PGM5: variants seen among roughly 807,000 people sequenced by gnomAD.
The protein encoded by PGM5 is phosphoglucomutase 5.
A neutral mutation model predicts 59.2 loss-of-function variants in PGM5; 23 were observed. The observed-to-expected ratio is 0.39, with a 90% CI of 0.28 to 0.55. The LOEUF (loss-of-function observed/expected upper bound fraction) is 0.55, where lower values mean the gene tolerates loss of function less well. Among genes scored for constraint, PGM5 ranks in the 20% least tolerant of loss-of-function variants. The pLI is 0.66. For synonymous variants in PGM5, 214 were observed against 286.0 expected, an observed-to-expected ratio of 0.75 and a Z score of 2.54; for missense variants, 574 against 748.3, an observed-to-expected ratio of 0.77 and a Z score of 2.72.
At chr9:68,400,629 A>C (rs1377891528) in intron 6 of PGM5, 1 of 152,654 alleles carries the variant, frequency 6.6e-6, no homozygotes, top group African/African-American at 2.4e-5. Context: ...GATTGCAAAG[A>C]AAAATATACC....
At chr9:68,362,572 G>T (rs2810281) in intron 1 of PGM5, among the ~76,000 whole-genome samples, 4 of 152,076 alleles carry the variant, frequency 2.6e-5, no homozygotes, top group Non-Finnish European at 5.9e-5. Context: ...GTTAAGCTTA[G>T]TTTGTAACTA....
At chr9:68,395,092 T>G (rs1357286072) in intron 6 of PGM5, among the ~76,000 whole-genome samples, 2 of 152,200 alleles carry the variant, frequency 1.3e-5, no homozygotes, top group African/African-American at 2.4e-5. Flanking sequence ...CTCCATATTT[T>G]CTTCTAGAGT....
intron 6 of PGM5, among the ~76,000 whole-genome samples, chr9:68,458,192 A>G (rs1461845774): frequency 2.0e-5 from 3 of 151,668 alleles, no homozygotes; most frequent in African/African-American, 7.3e-5. Flanking sequence ...TTTTTCTTGG[A>G]TCTTTGGTCA....
intron 6 of PGM5, among the ~76,000 whole-genome samples, chr9:68,444,782 G>T (rs1823584760): frequency 6.6e-6 from 1 of 152,172 alleles, no homozygotes; most frequent in Non-Finnish European, 1.5e-5. Context: ...CACCATGGTG[G>T]GTTATTCTAC....
At chr9:68,470,740 C>T (rs908862193) in intron 7 of PGM5, among the ~76,000 whole-genome samples, 69 of 151,964 alleles carry the variant, frequency 4.5e-4, no homozygotes, top group Middle Eastern at 3.2e-3. Flanking sequence ...TATTTGTGGC[C>T]AGTGTGTATA....
At chr9:68,469,359 T>TA (rs1554686085) in intron 7 of PGM5, among the ~76,000 whole-genome samples, 29 of 149,220 alleles carry the variant, frequency 1.9e-4, no homozygotes, top group African/African-American at 7.1e-4. Flanking sequence ...ATAGTGTTTT[T>TA]TAAAAAAAAA....
intron 6 of PGM5, among the ~76,000 whole-genome samples, chr9:68,440,427 G>A (rs937575164): frequency 3.3e-5 from 5 of 152,234 alleles, no homozygotes; most frequent in African/African-American, 1.2e-4. Flanking sequence ...TAATAACAGA[G>A]AGATAGCAAG....
intron 10 of PGM5, among the ~76,000 whole-genome samples, chr9:68,525,701 G>A (rs188272540): frequency 7.9e-4 from 121 of 152,310 alleles, no homozygotes; most frequent in African/African-American, 2.6e-3. Context: ...ATCATTAAGT[G>A]ATACATGACT....
At chr9:68,376,841 T>TTC (rs1554677791) in intron 1 of PGM5, among the ~76,000 whole-genome samples, 4 of 146,374 alleles carry the variant, frequency 2.7e-5, no homozygotes, top group African/African-American at 7.6e-5. Flanking sequence ...TTCTCTTTCT[T>TTC]TCTTTCTTTC....
chr9:68,465,360 T>C (rs926297928), intron 7 of PGM5, 152 bp downstream of exon 7: 21 of 531,894 alleles, frequency 3.9e-5, no homozygotes, highest in Non-Finnish European at 4.1e-5. Flanking sequence ...TGCTGTGATA[T>C]GCTTACCTCT....
intron 6 of PGM5, among the ~76,000 whole-genome samples, chr9:68,422,003 T>G (rs1162582636): frequency 6.6e-6 from 1 of 151,920 alleles, no homozygotes; most frequent in African/African-American, 2.4e-5. Context: ...GTTAAAGCAA[T>G]GAAGATCACT....
At chr9:68,417,422 C>CA (rs1563999977) in intron 6 of PGM5, among the ~76,000 whole-genome samples, 2 of 151,868 alleles carry the variant, frequency 1.3e-5, no homozygotes, top group African/African-American at 4.8e-5. Context: ...CCCCTGGGCC[C>CA]GGGGGACGTG....
intron 7 of PGM5, among the ~76,000 whole-genome samples, chr9:68,467,832 GC>G (rs1823957808): frequency 6.7e-6 from 1 of 150,004 alleles, no homozygotes; most frequent in Admixed American, 6.6e-5. Context: ...TGATTAATAT[GC>G]TTTTTCTCTG....
chr9:68,393,896 G>T lies in PGM5; in HGVS notation c.1043+1423G>T, dbSNP rs543627487. On this transcript the variant is annotated intron_variant, in intron 6 of 10. Transcript: ENST00000396396. ...CAACAGGAGATTGCAAAAATAAATT[G>T]TGATATATTTATATATTTGTATACT... is the stretch of plus-strand genomic sequence containing the variant. The T allele has an allele frequency of 1.5e-4, 23 of 152,138 alleles. No homozygotes were observed. The South Asian group carries it at 4.1e-3, about 27-fold the overall frequency. The allele number at this position is 152,138 out of a possible 1,614,324, so 9.4% of individuals were successfully genotyped here.
Position 68,357,236 on chromosome 9 carries a change from C to T in PGM5, c.109C>T (p.Gln37Ter). 2 of 1,542,382 alleles carry T rather than the reference C, an allele frequency of 1.3e-6. No individual in the cohort carries two copies. Among genetic ancestry groups the T allele is most frequent in the Non-Finnish European group, 1.7e-6 (2 of 1,145,998 alleles). Reference sequence around the variant, plus strand: ...GCGACCCACCGGCCTCTTCGAGGGCCAGCGCAACTACCTGCCCAACTTTAT... The same window carrying T: ...GCGACCCACCGGCCTCTTCGAGGGCTAGCGCAACTACCTGCCCAACTTTAT... The part of the protein sequence containing the change: ...LRRPTGLFEG[Q>*]RNYLPNFIQS... Residue 37 changes from glutamine (Q) to a stop codon, truncating the protein, a stop_gained, in exon 1 of 11, where the codon CAG (glutamine) becomes TAG (stop). Transcript: ENST00000396396. LOFTEE classifies it high-confidence loss of function.
intron 6 of PGM5, among the ~76,000 whole-genome samples, chr9:68,423,469 G>A (rs538813393): frequency 1.3e-5 from 2 of 152,208 alleles, no homozygotes; most frequent in Non-Finnish European, 2.9e-5. Context: ...ATTTGAAAGA[G>A]TAAATGGTGG....
At chr9:68,501,108 T>C (rs1824566753) in intron 10 of PGM5, among the ~76,000 whole-genome samples, 1 of 152,244 alleles carries the variant, frequency 6.6e-6, no homozygotes, top group African/African-American at 2.4e-5. Context: ...GGAAAGAATT[T>C]GCCACTTTGA....
At chr9:68,368,642 TTTTTTTC>T (rs1200117516) in intron 1 of PGM5, among the ~76,000 whole-genome samples, 1 of 152,222 alleles carries the variant, frequency 6.6e-6, no homozygotes, top group African/African-American at 2.4e-5. Context: ...TTTTAGGTTT[TTTTTTTC>T]TTTTTTCTTT....
At chr9:68,517,559 A>G (rs891236425) in intron 10 of PGM5, among the ~76,000 whole-genome samples, 7 of 152,202 alleles carry the variant, frequency 4.6e-5, no homozygotes, top group Non-Finnish European at 1.0e-4. Context: ...AATTTAAGAC[A>G]ATAGAGCATG....
Sources: gnomAD v4.1 joint callset for allele counts (sites outside exome capture counted in the v4.1 genomes callset) on GRCh38, gnomAD v4.1.1 for gene constraint, MANE v1.5 for transcripts, NCBI Gene and HGNC (gene_info 2026-07-23, HGNC 2026-07-21) for gene names.